Variants in ANO5 observed in about 807,000 individuals in gnomAD.
ANO5 encodes the protein anoctamin-5.
ANO5 carries 109 observed loss-of-function variants against 121.0 expected under a neutral mutation model. The ratio of observed to expected loss-of-function variants is 0.90; its 90% CI spans 0.77 to 1.06. The LOEUF (loss-of-function observed/expected upper bound fraction) is 1.06, where lower values mean the gene tolerates loss of function less well. Ranked by LOEUF, ANO5 falls within the 50% of genes least tolerant of loss-of-function variation. The probability of loss-of-function intolerance (pLI) is 0.00; values close to 1 mark genes in which losing one functional copy is unlikely to be tolerated. For synonymous variants in ANO5, 406 were observed against 359.9 expected, an observed-to-expected ratio of 1.13 and a Z score of -1.45; for missense variants, 1,064 against 1,078.5, an observed-to-expected ratio of 0.99 and a Z score of 0.19.
At chr11:22,257,778 T>C in intron 14 of ANO5, 24 bp downstream of exon 14, 1 of 1,575,752 alleles carries the variant, frequency 6.3e-7, no homozygotes, top group South Asian at 1.1e-5. Context: ...TAAAAATTGC[T>C]ATAATTTCTT....
intron 4 of ANO5, among the ~76,000 whole-genome samples, chr11:22,219,890 GA>G (rs1195876446): frequency 4.3e-4 from 31 of 71,512 alleles, no homozygotes; most frequent in Non-Finnish European, 8.9e-4. Context: ...AGGTTCCCTA[GA>G]TTTTTTTTTT....
chr11:22,219,202 A>G (rs1852559235), intron 4 of ANO5, among the ~76,000 whole-genome samples: 1 of 151,988 alleles, frequency 6.6e-6, no homozygotes, highest in Admixed American at 6.6e-5. Flanking sequence ...GTGTATCATC[A>G]GGGTGTGATA....
intron 9 of ANO5, among the ~76,000 whole-genome samples, chr11:22,245,865 T>C (rs1170816400): frequency 6.6e-6 from 1 of 152,150 alleles, no homozygotes; most frequent in African/African-American, 2.4e-5. Flanking sequence ...ATTTTCTACT[T>C]GTGGCATCAT....
chr11:22,223,085 A>G (rs545849335), intron 5 of ANO5, among the ~76,000 whole-genome samples: 1 of 152,128 alleles, frequency 6.6e-6, no homozygotes, highest in African/African-American at 2.4e-5. Context: ...TAGACAAACT[A>G]TTTATCCTTC....
intron 15 of ANO5, 90 bp from the exon 16 acceptor site, chr11:22,262,039 A>G: frequency 8.0e-7 from 1 of 1,257,670 alleles, no homozygotes; most frequent in Non-Finnish European, 1.1e-6. Flanking sequence ...TCCCAGAATG[A>G]TGTGACTAGA....
chr11:22,211,418 C>T (rs1852272484), intron 3 of ANO5, 104 bp downstream of exon 3: 1 of 1,295,310 alleles, frequency 7.7e-7, no homozygotes, highest in South Asian at 1.2e-5. Context: ...ATTTGACATG[C>T]TCTCATACAT....
intron 9 of ANO5, among the ~76,000 whole-genome samples, chr11:22,245,147 G>T (rs890595018): frequency 1.3e-5 from 2 of 152,148 alleles, no homozygotes; most frequent in African/African-American, 4.8e-5. Context: ...TGTTTTTGGT[G>T]TTGTAATTTG....
At position 22,282,815 on chromosome 11, in the gene ANO5, T is replaced by C. The variant is rs1388483893; in HGVS notation, c.*3050T>C. On this transcript the variant is annotated 3_prime_UTR_variant, in exon 22 of 22. Coordinates refer to ENST00000324559, the MANE Select transcript of ANO5 (RefSeq NM_213599.3). Reference sequence around the variant, plus strand: ...GTTGAAGGTGAGAAATCTGTACCAATCATTCAAAAAGGGAATCTATTGTTT... The same window carrying C: ...GTTGAAGGTGAGAAATCTGTACCAACCATTCAAAAAGGGAATCTATTGTTT... 1.3e-5 allele frequency: 2 copies of C among 152,174 alleles called. No individual in the cohort carries two copies. The highest frequency in any genetic ancestry group is 2.4e-5 in the African/African-American group (1 of 41,440). The allele number at this position is 152,174 out of a possible 1,614,324, so 9.4% of individuals were successfully genotyped here.
chr11:22,251,368 A>C (rs1853810918), intron 12 of ANO5, among the ~76,000 whole-genome samples: 1 of 152,216 alleles, frequency 6.6e-6, no homozygotes. Flanking sequence ...TCATGTATAC[A>C]AACTGGAACA....
Position 22,257,741 on chromosome 11 carries a change from C to T in ANO5, c.1394C>T (p.Thr465Ile), listed in dbSNP as rs764452754. Reference sequence around the variant, plus strand: ...CCATGGTACTTTCTTTCAGGAGCCACAGTGACATTATGGGTGAGCATTTCT... The same window carrying T: ...CCATGGTACTTTCTTTCAGGAGCCATAGTGACATTATGGGTGAGCATTTCT... ...RIPWYFLSGA[T>I]VTLWMSLVVT... The change falls in exon 14 of 22, where the codon ACA becomes ATA. Residue 465 changes from threonine to isoleucine, a missense_variant. By Grantham distance (89) the Thr-to-Ile change is moderately conservative. Transcript: ENST00000324559. The T allele has an allele frequency of 6.2e-7, 1 of 1,611,294 alleles. No homozygotes were observed. The highest frequency in any genetic ancestry group is 8.5e-7 in the Non-Finnish European group (1 of 1,177,604).
intron 1 of ANO5, among the ~76,000 whole-genome samples, chr11:22,195,845 C>G (rs57802760): frequency 1.3e-5 from 2 of 152,172 alleles, no homozygotes; most frequent in East Asian, 1.9e-4. Context: ...TGAGGAATAC[C>G]GTATATTTGA....
chr11:22,223,435 G>C (rs1374672753), intron 5 of ANO5, among the ~76,000 whole-genome samples: 1 of 151,936 alleles, frequency 6.6e-6, no homozygotes, highest in African/African-American at 2.4e-5. Flanking sequence ...GAGTGCCCTA[G>C]GTTTTTATTA....
At chr11:22,215,597 C>G (rs1852412553) in intron 3 of ANO5, among the ~76,000 whole-genome samples, 1 of 151,820 alleles carries the variant, frequency 6.6e-6, no homozygotes, top group Non-Finnish European at 1.5e-5. Flanking sequence ...TCTTCCCCTG[C>G]AAAAAAACTG....
intron 18 of ANO5, among the ~76,000 whole-genome samples, chr11:22,270,702 A>G (rs1004991056): frequency 1.3e-5 from 2 of 152,174 alleles, no homozygotes; most frequent in African/African-American, 4.8e-5. Context: ...ATATTGTTGA[A>G]CCAAATCAAG....
rs752254981 is a variant in ANO5, at chr11:22,221,109, C to G, written c.193C>G (p.Gln65Glu). The change falls in exon 5 of 22, where the codon CAG (glutamine) becomes GAG (glutamate). Residue 65 changes from glutamine (Q) to glutamate (E), a missense_variant. Transcript: ENST00000324559. ...ATGTCTCCTGCAGTTTCAAAAAAAT[C>G]AGCAAAGCAAAGATTCTATCTTCTT... ...LRRRLMFQKN[Q>E]QSKDSIFFRD... 1 of 1,611,140 alleles carries G rather than the reference C, an allele frequency of 6.2e-7. No homozygotes were observed. Among genetic ancestry groups the G allele is most frequent in the Non-Finnish European group, 8.5e-7 (1 of 1,178,214 alleles).
intron 7 of ANO5, among the ~76,000 whole-genome samples, chr11:22,228,066 A>G (rs10766928): frequency 0.69 from 104,185 of 151,876 alleles, 37,422 homozygotes; most frequent in Non-Finnish European, 0.81. Flanking sequence ...CCTTCTAAAT[A>G]GTCTTGTTTT....
At chr11:22,244,604 T>C (rs1157236567) in intron 9 of ANO5, among the ~76,000 whole-genome samples, 1 of 151,542 alleles carries the variant, frequency 6.6e-6, no homozygotes, top group East Asian at 1.9e-4. Context: ...AACTTTTGTC[T>C]GGCTCAGTTG....
intron 1 of ANO5, among the ~76,000 whole-genome samples, chr11:22,194,585 T>A (rs960563961): frequency 2.0e-5 from 3 of 152,194 alleles, no homozygotes; most frequent in Admixed American, 2.0e-4. Flanking sequence ...AATAGAAACC[T>A]CTTAGGCAGT....
At position 22,282,335 on chromosome 11, in the gene ANO5, T is replaced by C. The variant is rs1477602730; in HGVS notation, c.*2570T>C. The C allele has an allele frequency of 1.3e-5, 2 of 152,202 alleles. No homozygotes were observed. Among genetic ancestry groups the C allele is most frequent in the African/African-American group, 4.8e-5 (2 of 41,464 alleles). 9.4% of individuals were successfully genotyped at this position (152,202 alleles called of 1,614,324 possible). On this transcript the variant is annotated 3_prime_UTR_variant, in exon 22 of 22. Coordinates refer to ENST00000324559, the MANE Select transcript of ANO5 (RefSeq NM_213599.3). ...TCCTTTGCACACAGGAAGCAAAATC[T>C]ACTTCAAGACATTTATTTTAGAGGA...
Sources: gnomAD v4.1 joint callset for allele counts (sites outside exome capture counted in the v4.1 genomes callset) on GRCh38, gnomAD v4.1.1 for gene constraint, MANE v1.5 for transcripts, NCBI Gene and HGNC (gene_info 2026-07-23, HGNC 2026-07-21) for gene names.